Variants in RP1 observed in about 807,000 individuals in gnomAD.
The protein encoded by RP1 is oxygen-regulated protein 1.
A neutral mutation model predicts 14.8 loss-of-function variants in RP1; 16 were observed. That is an observed-to-expected ratio of 1.08 (90% CI 0.73 to 1.65). The LOEUF is 1.65. RP1 is among the 40% of genes most tolerant of loss of function. The pLI, the probability that RP1 is intolerant of heterozygous loss-of-function variation, is 0.00. For synonymous variants in RP1, 876 were observed against 883.6 expected, an observed-to-expected ratio of 0.99 and a Z score of 0.15; for missense variants, 2,631 against 2,535.0, an observed-to-expected ratio of 1.04 and a Z score of -0.81.
chr8:54,856,974 T>TC (rs1345910044), intron 26 of RP1: 2 of 536,368 alleles, frequency 3.7e-6, no homozygotes, highest in Non-Finnish European at 5.6e-6. Flanking sequence ...CTATTTTTTT[T>TC]CTAGAGAAAG....
intron 4 of RP1, among the ~76,000 whole-genome samples, chr8:54,650,564 T>G (rs2129325612): frequency 6.6e-6 from 1 of 152,244 alleles, no homozygotes; most frequent in South Asian, 2.1e-4. Context: ...AAAAGAAAAC[T>G]TTGTTATGCA....
chr8:54,565,806 G>A (rs1301022607), intron 1 of RP1, among the ~76,000 whole-genome samples: 1 of 152,168 alleles, frequency 6.6e-6, no homozygotes, highest in African/African-American at 2.4e-5. Context: ...ACCACAGACT[G>A]TGCGGCTTGA....
In RP1 at chr8:54,851,069, G is replaced by A. The variant is rs560280543; in HGVS notation, c.3836-1505G>A. ...CACGTACGTGTGTGTGTGTGTGTGC[G>A]TGCATGTGTGCATGTGCGTGCATAC... is the stretch of plus-strand genomic sequence containing the variant. On this transcript the variant is annotated intron_variant, in intron 25 of 28. Coordinates refer to the RP1 transcript ENST00000637698. Among the ~76,000 whole-genome samples, 8 of 152,238 alleles carry A rather than the reference G, an allele frequency of 5.3e-5. No homozygotes were observed. In the South Asian group the frequency reaches 6.2e-4, roughly 12 times the overall value.
At position 54,627,317 on chromosome 8, in the gene RP1, C is replaced by T. The variant is rs889174502; in HGVS notation, c.3435C>T (p.Phe1145=). The change falls in exon 4 of 4, where the codon TTC becomes TTT. Residue 1145 remains phenylalanine, a synonymous_variant. Transcript: ENST00000220676. The part of the protein sequence containing the change: ...VLNLKGSMNS[F]CQVDAHKATN... ...ACCTAAAGGGAAGTATGAATAGCTT[C>T]TGTCAAGTTGATGCTCACAAGGCTA... 1 of 1,614,016 alleles carries T rather than the reference C, an allele frequency of 6.2e-7. No individual in the cohort carries two copies. Among genetic ancestry groups the T allele is most frequent in the African/African-American group, 1.3e-5 (1 of 74,932 alleles).
At chr8:54,806,361 C>T (rs984029506) in intron 24 of RP1, among the ~76,000 whole-genome samples, 50 of 151,858 alleles carry the variant, frequency 3.3e-4, no homozygotes, top group African/African-American at 1.1e-3. Flanking sequence ...GAGAGTTTAG[C>T]GATGGACATC....
intron 24 of RP1, among the ~76,000 whole-genome samples, chr8:54,787,794 G>T (rs1230967024): frequency 6.6e-6 from 1 of 152,134 alleles, no homozygotes; most frequent in African/African-American, 2.4e-5. Context: ...CCTTAGGATT[G>T]AAATGGTTAA....
intron 22 of RP1, among the ~76,000 whole-genome samples, chr8:54,769,053 G>T (rs945654350): frequency 6.6e-6 from 1 of 151,808 alleles, no homozygotes; most frequent in Admixed American, 6.6e-5. Context: ...CCACCACCAC[G>T]CCCAGCTAAT....
intron 16 of RP1, among the ~76,000 whole-genome samples, chr8:54,722,365 G>A (rs530035357): frequency 6.6e-6 from 1 of 151,620 alleles, no homozygotes; most frequent in South Asian, 2.1e-4. Context: ...CCACCTCCCG[G>A]GTTCACGCCA....
chr8:54,679,952 G>C (rs1807388874), intron 12 of RP1: 1 of 1,535,114 alleles, frequency 6.5e-7, no homozygotes, highest in South Asian at 1.2e-5. Context: ...ATCGTACAAA[G>C]CTTGTGGTGC....
intron 5 of RP1, among the ~76,000 whole-genome samples, chr8:54,655,506 C>G (rs565884647): frequency 1.2e-4 from 19 of 152,054 alleles, no homozygotes; most frequent in Non-Finnish European, 2.2e-4. Context: ...AAGGGGGAAC[C>G]ATATCAGTTT....
At chr8:54,666,890 T>G (rs1480271860) in intron 7 of RP1, among the ~76,000 whole-genome samples, 1 of 151,966 alleles carries the variant, frequency 6.6e-6, no homozygotes, top group Non-Finnish European at 1.5e-5. Context: ...ATCCCTTGGA[T>G]AGCAACCATA....
intron 25 of RP1, among the ~76,000 whole-genome samples, chr8:54,847,033 C>G (rs756709115): frequency 1.2e-4 from 18 of 152,196 alleles, no homozygotes; most frequent in Admixed American, 3.9e-4. Context: ...CTCCTCCTGG[C>G]TGCTTGGTCA....
chr8:54,634,997 G>T (rs1249196461), downstream of RP1, among the ~76,000 whole-genome samples: 1 of 151,702 alleles, frequency 6.6e-6, no homozygotes, highest in Non-Finnish European at 1.5e-5. Context: ...CAGGAGAATG[G>T]CATGAACCCA....
intron 23 of RP1, among the ~76,000 whole-genome samples, chr8:54,778,907 T>C (rs1226485393): frequency 6.6e-6 from 1 of 152,158 alleles, no homozygotes; most frequent in Non-Finnish European, 1.5e-5. Flanking sequence ...CCAATCTATA[T>C]GTAATATTAC....
intron 1 of RP1, among the ~76,000 whole-genome samples, chr8:54,582,342 G>A (rs1804814948): frequency 6.6e-6 from 1 of 152,074 alleles, no homozygotes; most frequent in African/African-American, 2.4e-5. Flanking sequence ...TGAGGGCTCT[G>A]TTCTGTTCCA....
chr8:54,656,360 G>T, intron 6 of RP1: 1 of 785,530 alleles, frequency 1.3e-6, no homozygotes, highest in Non-Finnish European at 1.9e-6. Flanking sequence ...TGTGGCAGCT[G>T]CATCTAAATG....
rs151316028 is a variant in RP1 at position 54,627,708 on chromosome 8, C to T, written c.3826C>T (p.Pro1276Ser). 2.0e-3 allele frequency: 3,210 copies of T among 1,614,102 alleles called. 4 individuals are homozygous for T. Among genetic ancestry groups the T allele is most frequent in the Non-Finnish European group, 2.4e-3 (2,845 of 1,179,986 alleles). Residue 1276 changes from proline (P) to serine (S), a missense_variant, in exon 4 of 4, where the codon CCC becomes TCC. By Grantham distance (74) the Pro-to-Ser change is moderately conservative (BLOSUM62 -1). Coordinates refer to ENST00000220676, the MANE Select transcript of RP1 (RefSeq NM_006269.2). ...TTATTCTCCAAAAGAGACATGTAACCCCAGTGACACTTTTTTTCCTAGTGA... is the reference window on the plus strand; with the variant it reads ...TTATTCTCCAAAAGAGACATGTAACTCCAGTGACACTTTTTTTCCTAGTGA... ...KAYSPKETCN[P>S]SDTFFPSDGY... is the part of the protein sequence containing the mutation.
intron 1 of RP1, among the ~76,000 whole-genome samples, chr8:54,568,608 G>A (rs1448072741): frequency 2.6e-5 from 4 of 152,200 alleles, no homozygotes; most frequent in African/African-American, 9.6e-5. Context: ...AACTTACTCT[G>A]GGCAAGGACA....
chr8:54,711,811 G>A (rs1200859347), intron 15 of RP1, among the ~76,000 whole-genome samples: 3 of 151,676 alleles, frequency 2.0e-5, no homozygotes, highest in African/African-American at 2.4e-5. Context: ...CAAGCTTCCC[G>A]GCTGAGACCC....
Sources: allele counts gnomAD v4.1 joint callset (sites outside exome capture counted in the v4.1 genomes callset), GRCh38; gene constraint gnomAD v4.1.1; transcripts MANE v1.5; gene names NCBI Gene and HGNC (gene_info 2026-07-23, HGNC 2026-07-21).